FAM135A: variants seen among roughly 807,000 people sequenced by gnomAD.
The protein encoded by FAM135A is protein FAM135A.
In FAM135A, 79 loss-of-function variants were observed where a neutral mutation model predicts 146.8. The observed-to-expected ratio is 0.54, with a 90% CI of 0.45 to 0.65. The LOEUF is 0.65. Ranked by LOEUF, FAM135A falls within the 30% of genes least tolerant of loss-of-function variation. The probability of loss-of-function intolerance (pLI) is 0.00; values close to 1 mark genes in which losing one functional copy is unlikely to be tolerated. For missense variants in FAM135A, 1,623 were observed against 1,758.2 expected (o/e 0.92, Z 1.38); for synonymous variants, 562 against 603.6 (o/e 0.93, Z 1.01).
intron 11 of FAM135A, among the ~76,000 whole-genome samples, chr6:70,499,478 A>T (rs1788021580): frequency 6.6e-6 from 1 of 152,188 alleles, no homozygotes; most frequent in African/African-American, 2.4e-5. Context: ...TAGTCTATTT[A>T]CATTTAAGGT....
intron 5 of FAM135A, among the ~76,000 whole-genome samples, chr6:70,463,823 TG>T (rs1215265611): frequency 6.6e-6 from 1 of 152,242 alleles, no homozygotes; most frequent in African/African-American, 2.4e-5. Context: ...GATTACAAAA[TG>T]GAAGTCATTT....
rs770940059 is a variant in FAM135A, at chr6:70,475,485, A to G, written c.233A>G (p.Asn78Ser). 55 of 1,606,748 alleles carry G rather than the reference A, an allele frequency of 3.4e-5. No individual in the cohort carries two copies. The highest frequency in any genetic ancestry group is 4.5e-5 in the Non-Finnish European group (53 of 1,177,402). ...CSKTFQILYK[N>S]EEVVLNDVMI... The stretch of plus-strand genomic sequence containing the variant: ...AAAACATTTCAAATTTTGTACAAAA[A>G]TGAAGAGGTTGTTTTAAATGATGTT... Residue 78 changes from asparagine (N) to serine (S), a missense_variant, in exon 6 of 22, where the codon AAT becomes AGT. Physicochemically the swap from Asn to Ser is conservative, Grantham distance 46. This residue lies in a region of FAM135A where 171 missense variants were observed against 164.9 expected (regional missense o/e 1.04). Transcript: ENST00000418814.
chr6:70,416,207 T>C (rs1310582945), intron 2 of FAM135A, among the ~76,000 whole-genome samples: 1 of 152,218 alleles, frequency 6.6e-6, no homozygotes, highest in African/African-American at 2.4e-5. Flanking sequence ...TAGAGTTTTC[T>C]AATTAGTACA....
intron 9 of FAM135A, 90 bp from the exon 10 acceptor site, chr6:70,481,911 G>A: frequency 1.6e-6 from 2 of 1,250,644 alleles, no homozygotes; most frequent in East Asian, 2.5e-5. Flanking sequence ...GTTGACAGAT[G>A]GTTAAGTATT....
At chr6:70,482,198 C>T (rs1783847448) in intron 10 of FAM135A, 44 bp downstream of exon 10, 2 of 1,590,964 alleles carry the variant, frequency 1.3e-6, no homozygotes, top group Admixed American at 3.5e-5. Context: ...TCAAATCATT[C>T]TCTTCAGTCT....
chr6:70,493,763 A>T (rs190507180), intron 11 of FAM135A, among the ~76,000 whole-genome samples: 9 of 152,266 alleles, frequency 5.9e-5, no homozygotes, highest in Admixed American at 2.0e-4. Flanking sequence ...CTTAAAAATG[A>T]TGTTTTTGGC....
Position 70,482,060 on chromosome 6 carries a change from A to T in FAM135A, c.729A>T (p.Thr243=), listed in dbSNP as rs1783813682. Residue 243 remains threonine, a synonymous_variant, in exon 10 of 22, where the codon ACA becomes ACT. Transcript: ENST00000418814. Reference sequence around the variant, plus strand: ...ATCATGCGTATCGTTTTCATTATACACTTTGTGCCACTTTGCTGCTAGCCT... The same window carrying T: ...ATCATGCGTATCGTTTTCATTATACTCTTTGTGCCACTTTGCTGCTAGCCT... ...FLHHAYRFHY[T]LCATLLLAFK... 6.2e-7 allele frequency: 1 copy of T among 1,613,788 alleles called. No individual in the cohort carries two copies. Among genetic ancestry groups the T allele is most frequent in the Non-Finnish European group, 8.5e-7 (1 of 1,179,832 alleles).
rs552233690 is a variant in FAM135A at position 70,455,814 on chromosome 6, T to C, written c.157+3243T>C. ...ATTTTAAAGATATGTTTGTTCCTTA[T>C]TATTAAAGTTTCGAGAGAAATAATG... On this transcript the variant is annotated intron_variant, in intron 5 of 21. Coordinates refer to ENST00000418814, the MANE Select transcript of FAM135A (RefSeq NM_001162529.3). Among the ~76,000 whole-genome samples the C allele has an allele frequency of 4.7e-4, 63 of 135,150 alleles. No individual in the cohort carries two copies. In the South Asian group the frequency reaches 9.2e-3, roughly 20 times the overall value. The allele number at this position is 135,150 out of a possible 152,430, so 88.7% of individuals were successfully genotyped here.
rs916233436 is a variant in FAM135A, at chr6:70,481,857, T to C, written c.670-144T>C. The C allele has an allele frequency of 9.1e-6, 7 of 765,162 alleles. No homozygotes were observed. The African/African-American group carries it at 1.1e-4, about 12-fold the overall frequency. The allele number at this position is 765,162 out of a possible 1,614,324, so 47.4% of individuals were successfully genotyped here. On this transcript the variant is annotated intron_variant, in intron 9 of 21. Coordinates refer to ENST00000418814, the MANE Select transcript of FAM135A (RefSeq NM_001162529.3). ...TGTTTAAATTTATTGTATAAACAAC[T>C]CTCAAATATTACCACATTTTTTATA...
chr6:70,519,717 G>A, intron 12 of FAM135A, among the ~76,000 whole-genome samples: 1 of 151,938 alleles, frequency 6.6e-6, no homozygotes, highest in East Asian at 1.9e-4. Context: ...TTTTAAAAAA[G>A]GTATAATGCT....
At chr6:70,415,262 A>AT (rs1355447927) in intron 1 of FAM135A, 29 bp from the exon 2 acceptor site, 3 of 152,212 alleles carry the variant, frequency 2.0e-5, no homozygotes, top group Non-Finnish European at 4.4e-5. Context: ...TGAAGCAATT[A>AT]TGTTTAGTGA....
intron 13 of FAM135A, among the ~76,000 whole-genome samples, chr6:70,523,146 A>G (rs1793974561): frequency 6.6e-6 from 1 of 152,126 alleles, no homozygotes; most frequent in Non-Finnish European, 1.5e-5. Context: ...AGTTATAAAC[A>G]AGCAAAAGCA....
At chr6:70,518,471 GGCT>G (rs1271753372) in intron 12 of FAM135A, among the ~76,000 whole-genome samples, 1 of 152,112 alleles carries the variant, frequency 6.6e-6, no homozygotes, top group African/African-American at 2.4e-5. Flanking sequence ...TGATGAAGGT[GGCT>G]GCACTAAACA....
intron 16 of FAM135A, among the ~76,000 whole-genome samples, chr6:70,530,228 A>G (rs1795542266): frequency 6.6e-6 from 1 of 152,192 alleles, no homozygotes; most frequent in Non-Finnish European, 1.5e-5. Context: ...ACATCAGCAA[A>G]TCAAGTAAGA....
chr6:70,536,757 T>C (rs1044827229), intron 19 of FAM135A, among the ~76,000 whole-genome samples: 9 of 152,116 alleles, frequency 5.9e-5, no homozygotes, highest in Non-Finnish European at 1.2e-4. Context: ...TAATACATTA[T>C]CAAGTTATAA....
intron 4 of FAM135A, among the ~76,000 whole-genome samples, chr6:70,447,958 C>T (rs1410555558): frequency 2.0e-5 from 3 of 152,200 alleles, no homozygotes; most frequent in Admixed American, 6.5e-5. Flanking sequence ...TTGATATAAT[C>T]GACTAAATAT....
chr6:70,538,763 T>C (rs988530512), intron 20 of FAM135A, among the ~76,000 whole-genome samples: 5 of 149,608 alleles, frequency 3.3e-5, no homozygotes, highest in African/African-American at 1.2e-4. Flanking sequence ...CCTCACCCCT[T>C]TTTATAAACT....
At chr6:70,509,370 A>G (rs1271727161) in intron 12 of FAM135A, among the ~76,000 whole-genome samples, 2 of 152,158 alleles carry the variant, frequency 1.3e-5, no homozygotes, top group Non-Finnish European at 1.5e-5. Context: ...CTCACCTTGT[A>G]GTTGCCTGTT....
Position 70,525,397 on chromosome 6 carries a change from T to G in FAM135A, c.2313T>G (p.Gly771=). ...CCTCATCTAGATTTTCAGATTCAGGTGTTGAAAGTGAACCGAGTTCTTTTG... is the reference window on the plus strand; with the variant it reads ...CCTCATCTAGATTTTCAGATTCAGGGGTTGAAAGTGAACCGAGTTCTTTTG... ...TYASSRFSDS[G]VESEPSSFAT... Residue 771 remains glycine (G), a synonymous_variant, in exon 15 of 22, where the codon GGT becomes GGG. Transcript: ENST00000418814. 6.2e-7 allele frequency: 1 copy of G among 1,613,738 alleles called. No individual in the cohort carries two copies. The highest frequency in any genetic ancestry group is 8.5e-7 in the Non-Finnish European group (1 of 1,179,696).
Sources: allele counts gnomAD v4.1 joint callset (sites outside exome capture counted in the v4.1 genomes callset), GRCh38; gene constraint gnomAD v4.1.1; regional missense constraint gnomAD v4.1.1; transcripts MANE v1.5; gene names NCBI Gene and HGNC (gene_info 2026-07-23, HGNC 2026-07-21).